The following CASTOR2 variants were observed in gnomAD, a reference collection of about 807,000 sequenced individuals.
CASTOR2 encodes the protein GATS protein like 2.
CASTOR2 carries 8 observed loss-of-function variants against 31.2 expected under a neutral mutation model. The ratio of observed to expected loss-of-function variants is 0.26; its 90% CI spans 0.15 to 0.46. The LOEUF (loss-of-function observed/expected upper bound fraction) is 0.46. Ranked by LOEUF, CASTOR2 falls within the 20% of genes least tolerant of loss-of-function variation. The pLI, the probability that CASTOR2 is intolerant of heterozygous loss-of-function variation, is 0.99. For synonymous variants in CASTOR2, 162 were observed against 158.7 expected (o/e 1.02, Z -0.16); for missense variants, 216 against 382.1 (o/e 0.57, Z 3.62).
intron 3 of CASTOR2, 64 bp from the exon 4 acceptor site, chr7:75,017,926 G>T (rs1804903863): frequency 6.2e-7 from 1 of 1,613,658 alleles, no homozygotes; most frequent in Non-Finnish European, 8.5e-7. Flanking sequence ...GTGAGAGGTC[G>T]GTGCCCCAGA....
chr7:75,029,814 C>T lies in CASTOR2; in HGVS notation c.*5115C>T, dbSNP rs1785308224. Among the ~76,000 whole-genome samples, 1 of 152,108 alleles carries T rather than the reference C, an allele frequency of 6.6e-6. No individual in the cohort carries two copies. Among genetic ancestry groups the T allele is most frequent in the African/African-American group, 2.4e-5 (1 of 41,402 alleles). On this transcript the variant is annotated 3_prime_UTR_variant, in exon 9 of 9. Transcript: ENST00000616305. ...GGGGGCTTCTCCAACAGAGAAAAGA[C>T]ATTGGCTTTGGGTACCATGCTGAGG...
At chr7:74,987,214 G>A (rs1804087434) in intron 1 of CASTOR2, among the ~76,000 whole-genome samples, 1 of 152,022 alleles carries the variant, frequency 6.6e-6, no homozygotes, top group Non-Finnish European at 1.5e-5. Flanking sequence ...AGACCAGCCT[G>A]GCCAACATGG....
chr7:74,986,767 C>G (rs1280996669), intron 1 of CASTOR2, among the ~76,000 whole-genome samples: 1 of 152,222 alleles, frequency 6.6e-6, no homozygotes, highest in Non-Finnish European at 1.5e-5. Flanking sequence ...ATGGTTTGGC[C>G]AGGTGCAGTG....
intron 2 of CASTOR2, among the ~76,000 whole-genome samples, chr7:75,008,689 C>CT (rs1194167968): frequency 1.2e-4 from 18 of 152,032 alleles, no homozygotes; most frequent in Admixed American, 7.9e-4. Context: ...GAGCGAAACT[C>CT]TATCTCTTAA....
At position 75,025,486 on chromosome 7, in the gene CASTOR2, A is replaced by T. The variant is rs1460560861; in HGVS notation, c.*787A>T. On this transcript the variant is annotated 3_prime_UTR_variant, in exon 9 of 9. Transcript: ENST00000616305. ...GGCTCTCCCTGGACCCGACTTGGGC[A>T]GGTAGAGCCTCAGCTTCCCCCAGTA... is the stretch of plus-strand genomic sequence containing the variant. Among the ~76,000 whole-genome samples, 1 of 152,182 alleles carries T rather than the reference A, an allele frequency of 6.6e-6. No homozygotes were observed. Among genetic ancestry groups the T allele is most frequent in the African/African-American group, 2.4e-5 (1 of 41,466 alleles).
chr7:75,007,065 C>T (rs1450382318), intron 1 of CASTOR2, among the ~76,000 whole-genome samples: 1 of 152,132 alleles, frequency 6.6e-6, no homozygotes, highest in Non-Finnish European at 1.5e-5. Context: ...AGCCGGAACA[C>T]CAGATAAGTG....
chr7:75,009,474 TA>T (rs1804685051), intron 2 of CASTOR2, among the ~76,000 whole-genome samples: 1 of 151,504 alleles, frequency 6.6e-6, no homozygotes, highest in Non-Finnish European at 1.5e-5. Context: ...TTCACCGTGT[TA>T]ACCAGGATGG....
chr7:74,992,644 T>C (rs1804239257), intron 1 of CASTOR2, among the ~76,000 whole-genome samples: 2 of 152,116 alleles, frequency 1.3e-5, no homozygotes, highest in South Asian at 2.1e-4. Flanking sequence ...TTCACCACAT[T>C]GGCCAGGCTA....
At chr7:75,009,412 C>T (rs1224970025) in intron 2 of CASTOR2, among the ~76,000 whole-genome samples, 46 of 147,896 alleles carry the variant, frequency 3.1e-4, no homozygotes, top group African/African-American at 6.5e-4. Flanking sequence ...GGACTACAGG[C>T]GCCCGCCACC....
At chr7:75,005,378 A>G (rs1804584659) in intron 1 of CASTOR2, among the ~76,000 whole-genome samples, 1 of 152,102 alleles carries the variant, frequency 6.6e-6, no homozygotes, top group Non-Finnish European at 1.5e-5. Flanking sequence ...TTAACTTAGC[A>G]AAATGCACTT....
intron 1 of CASTOR2, among the ~76,000 whole-genome samples, chr7:74,973,375 C>T (rs1554435312): frequency 1.1e-5 from 1 of 88,786 alleles, no homozygotes; most frequent in South Asian, 5.2e-4. Context: ...GAGTCTTGCT[C>T]TGTTGCCCCG....
At chr7:75,017,410 C>G (rs1389834932) in intron 2 of CASTOR2, among the ~76,000 whole-genome samples, 188 bp from the exon 3 acceptor site, 1 of 152,010 alleles carries the variant, frequency 6.6e-6, no homozygotes, top group Non-Finnish European at 1.5e-5. Flanking sequence ...TCGCGCTACT[C>G]CAGGCACTCC....
At chr7:75,011,886 G>A (rs1288959654) in intron 2 of CASTOR2, among the ~76,000 whole-genome samples, 1 of 151,448 alleles carries the variant, frequency 6.6e-6, no homozygotes, top group African/African-American at 2.4e-5. Context: ...AGAATCGCTT[G>A]AACCCGGGAG....
chr7:75,010,560 A>G (rs1804715738), intron 2 of CASTOR2, among the ~76,000 whole-genome samples: 1 of 152,094 alleles, frequency 6.6e-6, no homozygotes, highest in African/African-American at 2.4e-5. Flanking sequence ...ATTGCCCACA[A>G]TCCCTCGACC....
chr7:75,014,146 G>C (rs1804812725), intron 2 of CASTOR2, among the ~76,000 whole-genome samples: 1 of 152,258 alleles, frequency 6.6e-6, no homozygotes, highest in South Asian at 2.1e-4. Context: ...GAGGGGCCCA[G>C]TGCTTATCTA....
At chr7:74,997,281 A>G (rs1389009600) in intron 1 of CASTOR2, among the ~76,000 whole-genome samples, 2 of 151,640 alleles carry the variant, frequency 1.3e-5, no homozygotes, top group Non-Finnish European at 2.9e-5. Context: ...CAGGCTGGTC[A>G]CCTGGTGCTT....
chr7:75,009,340 G>GCT (rs1372075547), intron 2 of CASTOR2, among the ~76,000 whole-genome samples: 3 of 112,116 alleles, frequency 2.7e-5, no homozygotes, highest in Admixed American at 1.3e-4. Flanking sequence ...TGTGATCTCA[G>GCT]CACTGCAAGC....
intron 1 of CASTOR2, among the ~76,000 whole-genome samples, chr7:74,976,441 GGGA>G (rs1278201504): frequency 6.8e-6 from 1 of 147,750 alleles, no homozygotes; most frequent in Non-Finnish European, 1.5e-5. Context: ...AGGCTGAGGT[GGGA>G]GGATTGCTTG....
chr7:75,017,826 CAT>C, intron 3 of CASTOR2, 35 bp downstream of exon 3: 4 of 1,613,642 alleles, frequency 2.5e-6, no homozygotes, highest in Non-Finnish European at 3.4e-6. Context: ...CTTGCACACT[CAT>C]GCCCGCCTCT....
Sources: gnomAD v4.1 joint callset for allele counts (sites outside exome capture counted in the v4.1 genomes callset) on GRCh38, gnomAD v4.1.1 for gene constraint, MANE v1.5 for transcripts, NCBI Gene and HGNC (gene_info 2026-07-23, HGNC 2026-07-21) for gene names.